Variants in CFAP53 observed in about 807,000 individuals in gnomAD.
CFAP53 encodes the protein cilia and flagella associated protein 53.
In CFAP53, 62 loss-of-function variants were observed where a neutral mutation model predicts 59.7. That is an observed-to-expected ratio of 1.04 (90% confidence interval 0.85 to 1.28). The LOEUF (loss-of-function observed/expected upper bound fraction) is 1.28. Among genes scored for constraint, CFAP53 ranks in the 50% most tolerant of loss-of-function variants. CFAP53 has a pLI of 0.00. For missense variants in CFAP53, 629 were observed against 615.6 expected (o/e 1.02, Z -0.23); for synonymous variants, 218 against 205.7 (o/e 1.06, Z -0.51).
chr18:50,238,460 C>T (rs2033657694), intron 7 of CFAP53, 143 bp downstream of exon 7: 1 of 573,536 alleles, frequency 1.7e-6, no homozygotes, highest in African/African-American at 1.9e-5. Context: ...CTATACTGCC[C>T]AGGCTAATCT....
chr18:50,229,100 AAAAC>A (rs922917734), intron 7 of CFAP53, among the ~76,000 whole-genome samples: 134 of 152,242 alleles, frequency 8.8e-4, no homozygotes, highest in African/African-American at 3.1e-3. Context: ...AACAAAAACA[AAAAC>A]AAACAAACAA....
At chr18:50,243,988 C>T (rs2033718724) in intron 5 of CFAP53, among the ~76,000 whole-genome samples, 2 of 151,916 alleles carry the variant, frequency 1.3e-5, no homozygotes, top group Admixed American at 6.6e-5. Flanking sequence ...AATCAAGGGC[C>T]GAGTCCCACC....
rs1190158934 is a variant in CFAP53, at chr18:50,239,165, G to A, written c.1214-460C>T. 2.0e-5 allele frequency among the ~76,000 whole-genome samples: 3 copies of A among 151,392 alleles called. No individual in the cohort carries two copies. The East Asian group carries it at 5.8e-4, about 29-fold the overall frequency. On this transcript the variant is annotated intron_variant, in intron 6 of 7. Transcript: ENST00000398545. ...CATTTTGGGAGGCTGAGGCAGGTGG[G>A]TCACCTGAGGTCAGGAGTTCGAGAC...
chr18:50,246,752 T>C (rs2033748697), intron 5 of CFAP53, among the ~76,000 whole-genome samples: 1 of 152,078 alleles, frequency 6.6e-6, no homozygotes, highest in South Asian at 2.1e-4. Context: ...CTAGAAAATA[T>C]AAAGAACTCT....
chr18:50,239,154 G>A (rs1471866075), intron 6 of CFAP53, among the ~76,000 whole-genome samples: 1 of 151,460 alleles, frequency 6.6e-6, no homozygotes, highest in African/African-American at 2.4e-5. Context: ...TTGGGAGGCT[G>A]AGGCAGGTGG....
At chr18:50,254,978 A>C (rs1377205924) in intron 3 of CFAP53, among the ~76,000 whole-genome samples, 1 of 152,192 alleles carries the variant, frequency 6.6e-6, no homozygotes, top group Non-Finnish European at 1.5e-5. Flanking sequence ...TCACACAAAA[A>C]CCTGTACACA....
At chr18:50,242,143 T>C (rs374654314) in intron 6 of CFAP53, among the ~76,000 whole-genome samples, 1 of 152,228 alleles carries the variant, frequency 6.6e-6, no homozygotes, top group Non-Finnish European at 1.5e-5. Flanking sequence ...TCAGACCTTA[T>C]GGTTATCTTT....
chr18:50,245,860 T>C (rs1392951672), intron 5 of CFAP53, among the ~76,000 whole-genome samples: 2 of 151,106 alleles, frequency 1.3e-5, no homozygotes, highest in Non-Finnish European at 3.0e-5. Flanking sequence ...CTCTCTCTCT[T>C]TTTTTTTTGA....
chr18:50,262,350 A>G (rs1252791484), intron 1 of CFAP53, 131 bp from the exon 2 acceptor site: 2 of 670,690 alleles, frequency 3.0e-6, no homozygotes, highest in African/African-American at 1.8e-5. Context: ...TCCTACTACA[A>G]CTGAATACAG....
At chr18:50,241,477 G>A (rs976991785) in intron 6 of CFAP53, among the ~76,000 whole-genome samples, 3 of 152,096 alleles carry the variant, frequency 2.0e-5, no homozygotes, top group Admixed American at 2.0e-4. Flanking sequence ...CAGAGACAAC[G>A]ACATAAACAA....
At chr18:50,228,801 C>T (rs1369447833) in intron 7 of CFAP53, among the ~76,000 whole-genome samples, 1 of 151,932 alleles carries the variant, frequency 6.6e-6, no homozygotes, top group African/African-American at 2.4e-5. Context: ...CAAAAACAAA[C>T]AAACAAACAA....
intron 3 of CFAP53, among the ~76,000 whole-genome samples, chr18:50,257,639 TGTTCTTGGATTGGA>T (rs2144430760): frequency 6.6e-6 from 1 of 152,370 alleles, no homozygotes; most frequent in Admixed American, 6.5e-5. Flanking sequence ...ACATATTCCA[TGTTCTTGGATTGGA>T]AGAATCAATA....
rs1234740018 is a variant in CFAP53, at chr18:50,266,461, G to A, written c.-57C>T. ...CCGCCGCGTTTCCCCCAACCGTGGCGACCTGCGGGACCCGCTTCCGCGACG... is the reference window on the plus strand; with the variant it reads ...CCGCCGCGTTTCCCCCAACCGTGGCAACCTGCGGGACCCGCTTCCGCGACG... On this transcript the variant is annotated 5_prime_UTR_variant, in exon 1 of 8. Transcript: ENST00000398545. 1.3e-6 allele frequency: 2 copies of A among 1,534,388 alleles called. No homozygotes were observed. The highest frequency in any genetic ancestry group is 1.4e-5 in the African/African-American group (1 of 73,498).
intron 3 of CFAP53, among the ~76,000 whole-genome samples, chr18:50,254,486 C>T (rs1013034869): frequency 6.6e-6 from 1 of 152,114 alleles, no homozygotes; most frequent in African/African-American, 2.4e-5. Flanking sequence ...AACGCCACTA[C>T]CAAAAGGACC....
intron 3 of CFAP53, among the ~76,000 whole-genome samples, chr18:50,258,545 A>G (rs549636668): frequency 6.6e-6 from 1 of 152,352 alleles, no homozygotes; most frequent in Admixed American, 6.5e-5. Context: ...TGGACTGGGC[A>G]AAGATTTCTT....
chr18:50,249,486 C>A (rs181342395), intron 5 of CFAP53, among the ~76,000 whole-genome samples: 24 of 151,376 alleles, frequency 1.6e-4, no homozygotes, highest in Admixed American at 1.6e-3. Flanking sequence ...CCACTGCACT[C>A]CAGCCTGAGT....
chr18:50,241,320 T>C (rs1219472596), intron 6 of CFAP53, among the ~76,000 whole-genome samples: 5 of 152,172 alleles, frequency 3.3e-5, no homozygotes, highest in South Asian at 4.1e-4. Flanking sequence ...TCCTGGCCAG[T>C]TGGTCATCTG....
intron 7 of CFAP53, among the ~76,000 whole-genome samples, chr18:50,227,984 G>A (rs1241706119): frequency 1.2e-4 from 3 of 24,466 alleles, no homozygotes; most frequent in African/African-American, 3.2e-4. Flanking sequence ...TTTTGAGACG[G>A]AGTCTCGCTC....
intron 1 of CFAP53, among the ~76,000 whole-genome samples, chr18:50,264,492 A>G (rs1568160805): frequency 6.6e-6 from 1 of 152,184 alleles, no homozygotes. Context: ...GATTCCTAGG[A>G]GACACTCATC....
Sources: allele counts gnomAD v4.1 joint callset (sites outside exome capture counted in the v4.1 genomes callset), GRCh38; gene constraint gnomAD v4.1.1; transcripts MANE v1.5; gene names NCBI Gene and HGNC (gene_info 2026-07-23, HGNC 2026-07-21).